The following XKR4 variants were observed in gnomAD, a reference collection of about 807,000 sequenced individuals.
The protein encoded by XKR4 is XK-related protein 4.
In XKR4, 12 loss-of-function variants were observed where a neutral mutation model predicts 53.9. The ratio of observed to expected loss-of-function variants is 0.22; its 90% CI spans 0.14 to 0.36. The LOEUF is 0.36. Among genes scored for constraint, XKR4 ranks in the 10% least tolerant of loss-of-function variants. The pLI is 1.00. For missense variants in XKR4, 799 were observed against 859.5 expected (o/e 0.93, Z 0.88); for synonymous variants, 354 against 362.4 (o/e 0.98, Z 0.26).
At chr8:55,482,438 C>A (rs1273638176) in intron 2 of XKR4, among the ~76,000 whole-genome samples, 3 of 151,986 alleles carry the variant, frequency 2.0e-5, no homozygotes, top group Non-Finnish European at 4.4e-5. Flanking sequence ...GGAGATATAC[C>A]TAATGCTAAA....
At chr8:55,500,526 A>G (rs1464450776) in intron 2 of XKR4, among the ~76,000 whole-genome samples, 1 of 152,188 alleles carries the variant, frequency 6.6e-6, no homozygotes, top group Non-Finnish European at 1.5e-5. Context: ...CTCATCTAGG[A>G]TCTTACAGTC....
intron 1 of XKR4, among the ~76,000 whole-genome samples, chr8:55,282,963 C>T (rs1818861670): frequency 6.6e-6 from 1 of 152,146 alleles, no homozygotes; most frequent in African/African-American, 2.4e-5. Flanking sequence ...TTTTACTCTA[C>T]CTTTCTTATA....
intron 2 of XKR4, among the ~76,000 whole-genome samples, chr8:55,438,590 G>GAAAAA (rs751832656): frequency 2.0e-5 from 2 of 100,366 alleles, no homozygotes; most frequent in African/African-American, 8.5e-5. Context: ...ACTCCATCTT[G>GAAAAA]AAAAAAAAAA....
chr8:55,365,585 T>C (rs974289785), intron 2 of XKR4, among the ~76,000 whole-genome samples: 3 of 151,142 alleles, frequency 2.0e-5, no homozygotes, highest in African/African-American at 7.3e-5. Context: ...CGCATGCCTG[T>C]AATCCCAGCT....
intron 1 of XKR4, among the ~76,000 whole-genome samples, chr8:55,258,334 A>G (rs1818469877): frequency 6.6e-6 from 1 of 152,328 alleles, no homozygotes; most frequent in Admixed American, 6.5e-5. Flanking sequence ...AGGCCTGCAC[A>G]TGGATCACAG....
chr8:55,363,723 ATG>A (rs1803934412), intron 2 of XKR4, among the ~76,000 whole-genome samples: 1 of 152,128 alleles, frequency 6.6e-6, no homozygotes, highest in Non-Finnish European at 1.5e-5. Flanking sequence ...CTGTCTTCTA[ATG>A]TGCTTGCCCC....
At chr8:55,205,431 C>T (rs1817632435) in intron 1 of XKR4, among the ~76,000 whole-genome samples, 1 of 152,130 alleles carries the variant, frequency 6.6e-6, no homozygotes, top group East Asian at 1.9e-4. Flanking sequence ...CGAGAGGCTG[C>T]ATAAAGACTT....
intron 1 of XKR4, among the ~76,000 whole-genome samples, chr8:55,344,879 T>TA (rs1377241847): frequency 1.3e-5 from 2 of 152,246 alleles, no homozygotes; most frequent in Non-Finnish European, 2.9e-5. Context: ...ACTACTCATG[T>TA]AAAAAATATC....
chr8:55,317,686 C>T (rs183301997), intron 1 of XKR4, among the ~76,000 whole-genome samples: 1 of 152,290 alleles, frequency 6.6e-6, no homozygotes, highest in Admixed American at 6.5e-5. Context: ...ATCTGGAGGT[C>T]ACCCCATTAC....
At chr8:55,165,388 TA>T (rs1236896069) in intron 1 of XKR4, among the ~76,000 whole-genome samples, 1 of 152,102 alleles carries the variant, frequency 6.6e-6, no homozygotes, top group Non-Finnish European at 1.5e-5. Flanking sequence ...CTCGGTGTTA[TA>T]AAACATTAAT....
intron 1 of XKR4, among the ~76,000 whole-genome samples, chr8:55,128,197 A>G (rs1486530578): frequency 6.6e-6 from 1 of 152,038 alleles, no homozygotes; most frequent in Non-Finnish European, 1.5e-5. Flanking sequence ...AGTCCCACCA[A>G]CAGTGTAAAA....
At chr8:55,465,002 G>C (rs993165738) in intron 2 of XKR4, among the ~76,000 whole-genome samples, 2 of 152,038 alleles carry the variant, frequency 1.3e-5, no homozygotes, top group Non-Finnish European at 2.9e-5. Flanking sequence ...CAAACAAATG[G>C]AAGAACATTC....
At chr8:55,281,788 TC>T (rs1818847763) in intron 1 of XKR4, among the ~76,000 whole-genome samples, 1 of 152,170 alleles carries the variant, frequency 6.6e-6, no homozygotes, top group African/African-American at 2.4e-5. Context: ...TATGATTTTT[TC>T]CCCCATATAC....
At chr8:55,327,683 T>G (rs2129380296) in intron 1 of XKR4, among the ~76,000 whole-genome samples, 1 of 152,360 alleles carries the variant, frequency 6.6e-6, no homozygotes, top group African/African-American at 2.4e-5. Flanking sequence ...ATAGCATGTC[T>G]TTTCAGTGAT....
At chr8:55,494,678 T>C (rs1334494001) in intron 2 of XKR4, among the ~76,000 whole-genome samples, 3 of 152,138 alleles carry the variant, frequency 2.0e-5, no homozygotes. Flanking sequence ...ATCGTTTCAG[T>C]TCTCAGCAGA....
chr8:55,302,170 G>T (rs1310721525), intron 1 of XKR4, among the ~76,000 whole-genome samples: 1 of 152,196 alleles, frequency 6.6e-6, no homozygotes, highest in South Asian at 2.1e-4. Context: ...ATTAATTTTT[G>T]TATAAGGTGT....
intron 1 of XKR4, among the ~76,000 whole-genome samples, chr8:55,334,938 G>A (rs16921620): frequency 0.055 from 8,419 of 152,106 alleles, 752 homozygotes; most frequent in African/African-American, 0.19. Flanking sequence ...ACTGTTTCTG[G>A]GTCCTTCATC....
chr8:55,114,162 A>G (rs1216658785), intron 1 of XKR4, among the ~76,000 whole-genome samples: 1 of 152,132 alleles, frequency 6.6e-6, no homozygotes, highest in Non-Finnish European at 1.5e-5. Flanking sequence ...TGCTTTCCAC[A>G]ATGTTTGAAC....
rs970359572 is a variant in XKR4, at chr8:55,260,901, A to G, written c.807-96777A>G. Among the ~76,000 whole-genome samples the G allele has an allele frequency of 5.9e-5, 9 of 152,222 alleles. 1 individual carries two copies. Among genetic ancestry groups the G allele is most frequent in the African/African-American group, 2.2e-4 (9 of 41,454 alleles). ...GCCTTTTCCTATTGGCACAGCTGCC[A>G]GCATTCACCTGTGCAAGCTTCTAGC... On this transcript the variant is annotated intron_variant, in intron 1 of 2. Coordinates refer to ENST00000327381, the MANE Select transcript of XKR4 (RefSeq NM_052898.2).
Sources: allele counts gnomAD v4.1 joint callset (sites outside exome capture counted in the v4.1 genomes callset), GRCh38; gene constraint gnomAD v4.1.1; transcripts MANE v1.5; gene names NCBI Gene and HGNC (gene_info 2026-07-23, HGNC 2026-07-21).